GRM5: variants seen among roughly 807,000 people sequenced by gnomAD.
GRM5 encodes the protein metabotropic glutamate receptor 5.
In GRM5, 19 loss-of-function variants were observed where a neutral mutation model predicts 83.1. That is an observed-to-expected ratio of 0.23 (90% confidence interval 0.16 to 0.34). The LOEUF (loss-of-function observed/expected upper bound fraction) is 0.34, where lower values mean the gene tolerates loss of function less well. Ranked by LOEUF, GRM5 falls within the 10% of genes least tolerant of loss-of-function variation. GRM5 has a pLI of 1.00. For synonymous variants in GRM5, 675 were observed against 633.6 expected (o/e 1.07, Z -0.98); for missense variants, 1,160 against 1,588.3 (o/e 0.73, Z 4.58).
At chr11:88,849,728 C>T (rs1253498312) in intron 3 of GRM5, among the ~76,000 whole-genome samples, 178 bp downstream of exon 3, 5 of 152,136 alleles carry the variant, frequency 3.3e-5, no homozygotes, top group Non-Finnish European at 7.4e-5. Flanking sequence ...CAGCACATGG[C>T]GGATCTACTT....
chr11:88,830,133 T>C (rs956051839), intron 3 of GRM5, among the ~76,000 whole-genome samples: 1 of 151,920 alleles, frequency 6.6e-6, no homozygotes, highest in Non-Finnish European at 1.5e-5. Flanking sequence ...AAAATATATA[T>C]GCACTAGCAT....
chr11:88,595,913 A>C (rs1407173805), intron 6 of GRM5, among the ~76,000 whole-genome samples: 1 of 152,090 alleles, frequency 6.6e-6, no homozygotes, highest in African/African-American at 2.4e-5. Flanking sequence ...TTTTATTTAC[A>C]CTTTTAGGTT....
intron 2 of GRM5, among the ~76,000 whole-genome samples, chr11:88,927,440 T>C (rs1945808767): frequency 6.6e-6 from 1 of 152,134 alleles, no homozygotes; most frequent in Non-Finnish European, 1.5e-5. Context: ...AATTTCAAAG[T>C]TGCACATATT....
chr11:88,975,843 T>C (rs1939318003), intron 2 of GRM5, among the ~76,000 whole-genome samples: 1 of 152,326 alleles, frequency 6.6e-6, no homozygotes, highest in Admixed American at 6.5e-5. Context: ...CATTGGTAAG[T>C]CAATTGTGCC....
chr11:88,698,588 A>C (rs1220198632), intron 3 of GRM5, among the ~76,000 whole-genome samples: 1 of 152,166 alleles, frequency 6.6e-6, no homozygotes, highest in African/African-American at 2.4e-5. Flanking sequence ...ATGGGATCTT[A>C]TTCTCCAGAT....
intron 4 of GRM5, among the ~76,000 whole-genome samples, chr11:88,642,116 C>T (rs1011942749): frequency 5.3e-5 from 8 of 152,152 alleles, no homozygotes; most frequent in Non-Finnish European, 8.8e-5. Context: ...GGCTGTCAGG[C>T]ATTCTTCACT....
chr11:88,915,421 G>A (rs189560258), intron 2 of GRM5, among the ~76,000 whole-genome samples: 107 of 152,066 alleles, frequency 7.0e-4, no homozygotes, highest in Non-Finnish European at 1.2e-3. Flanking sequence ...ATAAATTAGT[G>A]GAGAGCTGAA....
intron 2 of GRM5, among the ~76,000 whole-genome samples, chr11:88,922,190 C>A (rs1295516519): frequency 6.6e-6 from 1 of 152,102 alleles, no homozygotes; most frequent in African/African-American, 2.4e-5. Flanking sequence ...AAAGAAATTT[C>A]TATCAAAATA....
chr11:88,608,069 C>T (rs1212991788), intron 4 of GRM5, among the ~76,000 whole-genome samples: 3 of 152,112 alleles, frequency 2.0e-5, no homozygotes, highest in Admixed American at 6.5e-5. Context: ...ATCTGCTATG[C>T]AAGTGGGTTA....
chr11:88,991,395 C>A (rs900114770), intron 2 of GRM5, among the ~76,000 whole-genome samples: 1 of 151,984 alleles, frequency 6.6e-6, no homozygotes, highest in Non-Finnish European at 1.5e-5. Flanking sequence ...ATTCCATGCT[C>A]ATGGGTAGGA....
At chr11:88,565,746 A>G (rs1484036201) in intron 8 of GRM5, among the ~76,000 whole-genome samples, 3 of 152,246 alleles carry the variant, frequency 2.0e-5, no homozygotes, top group Admixed American at 6.5e-5. Flanking sequence ...ATTGAAAAAG[A>G]AGACATGAGT....
chr11:88,587,270 G>A (rs1454531539), intron 7 of GRM5, among the ~76,000 whole-genome samples: 2 of 152,170 alleles, frequency 1.3e-5, no homozygotes, highest in Non-Finnish European at 2.9e-5. Flanking sequence ...AACAGAGTAA[G>A]GGAGGGTAAG....
intron 1 of GRM5, among the ~76,000 whole-genome samples, chr11:89,055,160 T>C (rs1227172269): frequency 6.6e-6 from 1 of 152,174 alleles, no homozygotes; most frequent in African/African-American, 2.4e-5. Flanking sequence ...TTGTTCCAAT[T>C]GTCTTCATAG....
intron 2 of GRM5, among the ~76,000 whole-genome samples, chr11:88,895,169 C>G (rs1210649029): frequency 2.0e-5 from 3 of 151,774 alleles, no homozygotes; most frequent in Non-Finnish European, 4.4e-5. Context: ...AAAAAGTAAA[C>G]TAATTAAAAA....
chr11:88,647,390 G>C (rs1378614043), intron 4 of GRM5, among the ~76,000 whole-genome samples: 1 of 151,732 alleles, frequency 6.6e-6, no homozygotes, highest in East Asian at 1.9e-4. Context: ...AATCCTTTTG[G>C]TTATTAAGAT....
intron 2 of GRM5, among the ~76,000 whole-genome samples, chr11:88,881,417 C>T (rs1472300306): frequency 7.3e-6 from 1 of 136,618 alleles, no homozygotes; most frequent in East Asian, 2.1e-4. Context: ...AGTTACTTGG[C>T]AGAGGGCAAA....
chr11:88,833,012 A>G (rs1944023160), intron 3 of GRM5, among the ~76,000 whole-genome samples: 1 of 152,146 alleles, frequency 6.6e-6, no homozygotes, highest in South Asian at 2.1e-4. Context: ...TAAAACTACT[A>G]AAAGAAAACA....
chr11:88,734,766 G>T (rs186412298), intron 3 of GRM5, among the ~76,000 whole-genome samples: 1 of 151,886 alleles, frequency 6.6e-6, no homozygotes, highest in Non-Finnish European at 1.5e-5. Flanking sequence ...TATAACACTT[G>T]GTACAGTAAG....
At chr11:88,982,578 T>A (rs1162898805) in intron 2 of GRM5, among the ~76,000 whole-genome samples, 1 of 152,166 alleles carries the variant, frequency 6.6e-6, no homozygotes, top group Non-Finnish European at 1.5e-5. Flanking sequence ...TACAGGGAAA[T>A]AGACACACAC....
Sources: allele counts gnomAD v4.1 joint callset (sites outside exome capture counted in the v4.1 genomes callset), GRCh38; gene constraint gnomAD v4.1.1; transcripts MANE v1.5; gene names NCBI Gene and HGNC (gene_info 2026-07-23, HGNC 2026-07-21).